Variants in ALKBH3 observed in about 807,000 individuals in gnomAD.
ALKBH3 encodes the protein alkB homolog 3, alpha-ketoglutarate dependent dioxygenase.
ALKBH3 carries 51 observed loss-of-function variants against 43.9 expected under a neutral mutation model. The observed-to-expected ratio is 1.16, with a 90% CI of 0.93 to 1.47. The LOEUF is 1.47. ALKBH3 is among the 40% of genes most tolerant of loss of function. ALKBH3 has a pLI of 0.00. For missense variants in ALKBH3, 361 were observed against 351.9 expected (o/e 1.03, Z -0.21); for synonymous variants, 102 against 115.2 (o/e 0.89, Z 0.73).
In ALKBH3 at chr11:43,882,877, T is replaced by G. The variant is rs913785963; in HGVS notation, c.79+146T>G. 5.9e-6 allele frequency: 6 copies of G among 1,013,412 alleles called. No individual in the cohort carries two copies. In the African/African-American group the frequency reaches 9.8e-5, roughly 17 times the overall value. The allele number at this position is 1,013,412 out of a possible 1,614,324, so 62.8% of individuals were successfully genotyped here. On this transcript the variant is annotated intron_variant, in intron 2 of 9. Coordinates refer to ENST00000302708, the MANE Select transcript of ALKBH3 (RefSeq NM_139178.4). ...ATGTGGCTGATATTTTGTCCGATTT[T>G]GTTGATGGTGAGCTAAGGGTGGGTC...
chr11:43,890,956 T>A (rs1951779587), intron 6 of ALKBH3, among the ~76,000 whole-genome samples: 1 of 152,252 alleles, frequency 6.6e-6, no homozygotes, highest in Non-Finnish European at 1.5e-5. Context: ...TTATAATACC[T>A]AATACGATGT....
Position 43,920,262 on chromosome 11 carries a change from C to T in ALKBH3, c.*252C>T. On this transcript the variant is annotated 3_prime_UTR_variant, in exon 10 of 10. Coordinates refer to ENST00000302708, the MANE Select transcript of ALKBH3 (RefSeq NM_139178.4). Reference sequence around the variant, plus strand: ...TTTAGGCAAATTAAAATCTATGTGGCAGTGCTCATGGATGATTTTGTTCTA... The same window carrying T: ...TTTAGGCAAATTAAAATCTATGTGGTAGTGCTCATGGATGATTTTGTTCTA... 1 of 409,032 alleles carries T rather than the reference C, an allele frequency of 2.4e-6. No individual in the cohort carries two copies. The highest frequency in any genetic ancestry group is 2.0e-5 in the African/African-American group (1 of 49,652). 25.3% of individuals were successfully genotyped at this position (409,032 alleles called of 1,614,324 possible). A position where few individuals can be genotyped will look rare whatever the true frequency, so the allele number is the denominator to read the frequency against.
chr11:43,905,739 C>T (rs1231674468), intron 8 of ALKBH3, among the ~76,000 whole-genome samples: 1 of 152,038 alleles, frequency 6.6e-6, no homozygotes, highest in African/African-American at 2.4e-5. Flanking sequence ...ATCAGGCTGG[C>T]ATTATTAAAG....
At chr11:43,895,919 G>A (rs769721389) in intron 7 of ALKBH3, among the ~76,000 whole-genome samples, 1 of 152,188 alleles carries the variant, frequency 6.6e-6, no homozygotes, top group Non-Finnish European at 1.5e-5. Context: ...TGGTCTTTGA[G>A]TATGTGTCTT....
chr11:43,914,589 A>G (rs10838200), intron 8 of ALKBH3, among the ~76,000 whole-genome samples: 129,414 of 152,084 alleles, frequency 0.85, 55,470 homozygotes, highest in East Asian at 0.98. Context: ...AAAAGGAAAT[A>G]CAGTTGTATA....
In ALKBH3 at chr11:43,901,532, G is replaced by C; in HGVS notation, c.476G>C (p.Arg159Pro). 1 of 1,613,682 alleles carries C rather than the reference G, an allele frequency of 6.2e-7. No homozygotes were observed. The highest frequency in any genetic ancestry group is 8.5e-7 in the Non-Finnish European group (1 of 1,179,994). Residue 159 changes from arginine (R) to proline (P), a missense_variant, in exon 8 of 10, where the codon CGC becomes CCC. Arg to Pro is a moderately radical substitution (Grantham distance 103, BLOSUM62 -2). Coordinates refer to ENST00000302708, the MANE Select transcript of ALKBH3 (RefSeq NM_139178.4). ...GGATTGCAGTGGCACCCTGTGCTGC[G>C]CACACTAAAGAACCGCATTGAAGAG... ...EPNPHWHPVLRTLKNRIEENT... is the reference protein window; with the variant it reads ...EPNPHWHPVLPTLKNRIEENT...
chr11:43,886,516 A>G, intron 4 of ALKBH3, 90 bp from the exon 5 acceptor site: 1 of 1,301,738 alleles, frequency 7.7e-7, no homozygotes. Context: ...GTGAGCCAGG[A>G]CTTTGGCAGT....
intron 7 of ALKBH3, among the ~76,000 whole-genome samples, chr11:43,893,922 C>T (rs370889762): frequency 1.3e-4 from 20 of 152,170 alleles, no homozygotes; most frequent in African/African-American, 4.8e-4. Context: ...TGTTATGTTG[C>T]CCAGGCTGGT....
At chr11:43,886,558 A>G (rs1457513233) in intron 4 of ALKBH3, 48 bp from the exon 5 acceptor site, 2 of 1,588,860 alleles carry the variant, frequency 1.3e-6, no homozygotes, top group Non-Finnish European at 1.7e-6. Context: ...TGGGTATAGC[A>G]TATTGTTTTG....
At chr11:43,919,819 G>A (rs1175049471) in intron 9 of ALKBH3, 99 bp from the exon 10 acceptor site, 3 of 1,121,300 alleles carry the variant, frequency 2.7e-6, no homozygotes, top group African/African-American at 1.5e-5. Flanking sequence ...GGGATGAGAT[G>A]GAAATATTTC....
At chr11:43,888,642 A>G (rs1951762245) in intron 5 of ALKBH3, among the ~76,000 whole-genome samples, 2 of 152,130 alleles carry the variant, frequency 1.3e-5, no homozygotes, top group Admixed American at 6.5e-5. Flanking sequence ...CTTTTTTGGA[A>G]CTGTTATTTT....
Position 43,920,152 on chromosome 11 carries a change from T to G in ALKBH3, c.*142T>G. 4.2e-6 allele frequency: 3 copies of G among 718,994 alleles called. No individual in the cohort carries two copies. The highest frequency in any genetic ancestry group is 6.9e-6 in the Non-Finnish European group (3 of 434,736). 44.5% of individuals were successfully genotyped at this position (718,994 alleles called of 1,614,324 possible). ...GTTTGTTTGCCAGCTTGGAGTCCTA[T>G]TAAATGAAAGCCAGCAACTCATGTT... On this transcript the variant is annotated 3_prime_UTR_variant, in exon 10 of 10. Coordinates refer to ENST00000302708, the MANE Select transcript of ALKBH3 (RefSeq NM_139178.4).
chr11:43,919,982 A>G lies in ALKBH3; in HGVS notation c.833A>G (p.Tyr278Cys), dbSNP rs1479688011. Reference protein sequence around the residue: ...PRVNLTFRTVYPDPRGAPW With the variant: ...PRVNLTFRTVCPDPRGAPW ...GTGAACCTGACCTTTCGGACAGTCT[A>G]TCCAGACCCTCGAGGGGCACCCTGG... Residue 278 changes from tyrosine (Y) to cysteine (C), a missense_variant, in exon 10 of 10, where the codon TAT (tyrosine) becomes TGT (cysteine). Tyr to Cys is a radical substitution (Grantham distance 194). Coordinates refer to ENST00000302708, the MANE Select transcript of ALKBH3 (RefSeq NM_139178.4). The G allele has an allele frequency of 8.1e-6, 13 of 1,614,154 alleles. No homozygotes were observed. Among genetic ancestry groups the G allele is most frequent in the East Asian group, 4.5e-5 (2 of 44,886 alleles).
chr11:43,886,058 C>G (rs1951744514), intron 4 of ALKBH3, among the ~76,000 whole-genome samples: 1 of 152,128 alleles, frequency 6.6e-6, no homozygotes, highest in Non-Finnish European at 1.5e-5. Context: ...CAGGAGATTC[C>G]AAGCAGTTGA....
At position 43,901,532 on chromosome 11, in the gene ALKBH3, G is replaced by T. The variant is rs202134415; in HGVS notation, c.476G>T (p.Arg159Leu). Residue 159 changes from arginine to leucine, a missense_variant, in exon 8 of 10, where the codon CGC (arginine) becomes CTC (leucine). Coordinates refer to ENST00000302708, the MANE Select transcript of ALKBH3 (RefSeq NM_139178.4). Reference protein sequence around the residue: ...EPNPHWHPVLRTLKNRIEENT... With the variant: ...EPNPHWHPVLLTLKNRIEENT... ...GGATTGCAGTGGCACCCTGTGCTGCGCACACTAAAGAACCGCATTGAAGAG... is the reference window on the plus strand; with the variant it reads ...GGATTGCAGTGGCACCCTGTGCTGCTCACACTAAAGAACCGCATTGAAGAG... The T allele has an allele frequency of 1.2e-6, 2 of 1,613,682 alleles. No homozygotes were observed. The highest frequency in any genetic ancestry group is 1.7e-6 in the Non-Finnish European group (2 of 1,179,994).
chr11:43,893,725 G>C (rs1377331401), intron 7 of ALKBH3, among the ~76,000 whole-genome samples: 1 of 152,030 alleles, frequency 6.6e-6, no homozygotes, highest in African/African-American at 2.4e-5. Flanking sequence ...TTGAGGCCAG[G>C]AGTTCATAAC....
intron 7 of ALKBH3, among the ~76,000 whole-genome samples, chr11:43,892,715 T>C (rs756305609): frequency 5.3e-5 from 8 of 152,232 alleles, no homozygotes; most frequent in South Asian, 4.1e-4. Flanking sequence ...AAGAAATAGC[T>C]CCCTGTTTAG....
At chr11:43,891,016 T>C (rs1951779995) in intron 6 of ALKBH3, among the ~76,000 whole-genome samples, 1 of 152,236 alleles carries the variant, frequency 6.6e-6, no homozygotes. Context: ...GGTATTGTTA[T>C]TTGTAATTTT....
In ALKBH3 at chr11:43,919,073, G is replaced by T. The variant is rs759908752; in HGVS notation, c.705G>T (p.Val235=). The change falls in exon 9 of 10, where the codon GTG becomes GTT. Residue 235 remains valine (V), a synonymous_variant. Transcript: ENST00000302708. ...GAGACTACACATATGTGGAAAGAGT[G>T]AAGATACCCTTGGATCATGGGACCT... ...ENGDYTYVER[V]KIPLDHGTLL... is the part of the protein sequence containing the mutation. The T allele has an allele frequency of 5.0e-6, 8 of 1,612,908 alleles. No individual in the cohort carries two copies. The highest frequency in any genetic ancestry group is 3.3e-4 in the Middle Eastern group (2 of 6,080).
Sources: allele counts gnomAD v4.1 joint callset (sites outside exome capture counted in the v4.1 genomes callset), GRCh38; gene constraint gnomAD v4.1.1; transcripts MANE v1.5; gene names NCBI Gene and HGNC (gene_info 2026-07-23, HGNC 2026-07-21).